LRMDA: variants seen among roughly 807,000 people sequenced by gnomAD.
The protein encoded by LRMDA is leucine rich melanocyte differentiation associated, also known as leucine-rich melanocyte differentiation-associated protein.
A neutral mutation model predicts 29.8 loss-of-function variants in LRMDA; 18 were observed. That is an observed-to-expected ratio of 0.60 (90% confidence interval 0.42 to 0.90). The LOEUF (loss-of-function observed/expected upper bound fraction) is 0.90. Among genes scored for constraint, LRMDA ranks in the 40% least tolerant of loss-of-function variants. The pLI is 0.00. For missense variants in LRMDA, 273 were observed against 273.9 expected, an observed-to-expected ratio of 1.00 and a Z score of 0.02; for synonymous variants, 125 against 109.4, an observed-to-expected ratio of 1.14 and a Z score of -0.89.
chr10:75,996,021 A>G (rs1252565859), intron 2 of LRMDA, among the ~76,000 whole-genome samples: 1 of 151,996 alleles, frequency 6.6e-6, no homozygotes, highest in Non-Finnish European at 1.5e-5. Flanking sequence ...ACCTCTCCAA[A>G]CTCACCAACC....
At chr10:76,186,088 C>T (rs1180045129) in intron 5 of LRMDA, among the ~76,000 whole-genome samples, 13 of 151,932 alleles carry the variant, frequency 8.6e-5, no homozygotes, top group East Asian at 7.8e-4. Flanking sequence ...TTTCCATTTA[C>T]GCATTCCAAG....
At chr10:75,502,122 A>G (rs1184042295) in intron 2 of LRMDA, among the ~76,000 whole-genome samples, 1 of 152,192 alleles carries the variant, frequency 6.6e-6, no homozygotes, top group Non-Finnish European at 1.5e-5. Flanking sequence ...GAGTGGGGAA[A>G]GAGATCATGG....
intron 2 of LRMDA, among the ~76,000 whole-genome samples, chr10:75,566,677 G>A (rs1042244507): frequency 6.6e-6 from 1 of 151,752 alleles, no homozygotes; most frequent in South Asian, 2.1e-4. Context: ...TTTCTTCCCC[G>A]GGTAATTTTC....
chr10:76,207,493 T>C (rs1231281237), intron 5 of LRMDA, among the ~76,000 whole-genome samples: 1 of 152,154 alleles, frequency 6.6e-6, no homozygotes, highest in Non-Finnish European at 1.5e-5. Flanking sequence ...CTGACTTAAG[T>C]ATTTATTTTT....
At chr10:76,142,372 A>T (rs1305345773) in intron 5 of LRMDA, among the ~76,000 whole-genome samples, 14 of 152,154 alleles carry the variant, frequency 9.2e-5, no homozygotes. Context: ...GGTCCTCTTC[A>T]GTGTAATCAT....
intron 5 of LRMDA, among the ~76,000 whole-genome samples, chr10:76,083,137 C>G (rs1849074497): frequency 6.6e-6 from 1 of 152,182 alleles, no homozygotes; most frequent in Non-Finnish European, 1.5e-5. Context: ...CCAGGGCTAG[C>G]CAATTCTTAG....
chr10:75,898,177 A>G (rs1044279423), intron 2 of LRMDA, among the ~76,000 whole-genome samples: 5 of 152,124 alleles, frequency 3.3e-5, no homozygotes, highest in African/African-American at 1.2e-4. Flanking sequence ...ACCATGATAA[A>G]CCAGTAAAGA....
intron 6 of LRMDA, among the ~76,000 whole-genome samples, chr10:76,345,060 CTT>C (rs60233969): frequency 2.7e-3 from 208 of 77,586 alleles, no homozygotes; most frequent in Non-Finnish European, 4.1e-3. Flanking sequence ...AACACAAAAC[CTT>C]TTTTTTTTTT....
intron 5 of LRMDA, among the ~76,000 whole-genome samples, chr10:76,156,718 G>GCTTAA: frequency 6.6e-6 from 1 of 152,254 alleles, no homozygotes; most frequent in East Asian, 1.9e-4. Context: ...ATGTCAGCTG[G>GCTTAA]GGACTTAAGG....
At chr10:75,647,022 G>A (rs1355318315) in intron 2 of LRMDA, among the ~76,000 whole-genome samples, 1 of 152,146 alleles carries the variant, frequency 6.6e-6, no homozygotes, top group Non-Finnish European at 1.5e-5. Flanking sequence ...CCTTCTCACA[G>A]CTCAGAGAGC....
At chr10:75,812,367 G>A (rs779916230) in intron 2 of LRMDA, among the ~76,000 whole-genome samples, 22 of 152,140 alleles carry the variant, frequency 1.4e-4, no homozygotes, top group Non-Finnish European at 1.0e-4. Context: ...AAATTAGCAC[G>A]TACAATGTGT....
At chr10:76,124,570 A>G (rs751595934) in intron 5 of LRMDA, among the ~76,000 whole-genome samples, 3 of 152,260 alleles carry the variant, frequency 2.0e-5, no homozygotes, top group Non-Finnish European at 2.9e-5. Context: ...GATAAAAAGA[A>G]TCCTGGTCTT....
chr10:76,402,556 G>A (rs1302347169), intron 6 of LRMDA, among the ~76,000 whole-genome samples: 1 of 152,012 alleles, frequency 6.6e-6, no homozygotes, highest in Non-Finnish European at 1.5e-5. Flanking sequence ...GTCTAGGTAT[G>A]TTGCACTGGC....
chr10:76,285,756 C>A (rs890561498), intron 5 of LRMDA, among the ~76,000 whole-genome samples: 1 of 152,124 alleles, frequency 6.6e-6, no homozygotes, highest in Non-Finnish European at 1.5e-5. Flanking sequence ...GTTTGAAAAT[C>A]CTGGGAAAGC....
At chr10:76,157,138 A>G (rs1850552663) in intron 5 of LRMDA, among the ~76,000 whole-genome samples, 1 of 152,202 alleles carries the variant, frequency 6.6e-6, no homozygotes, top group Non-Finnish European at 1.5e-5. Flanking sequence ...AGTCCTAAAT[A>G]CAGAGTTGGG....
chr10:76,495,496 A>T (rs1371203545), intron 6 of LRMDA, among the ~76,000 whole-genome samples: 1 of 151,968 alleles, frequency 6.6e-6, no homozygotes, highest in Non-Finnish European at 1.5e-5. Flanking sequence ...ATTCAAGAAT[A>T]TGTTTCTTTA....
At chr10:76,273,670 A>G (rs1396218998) in intron 5 of LRMDA, among the ~76,000 whole-genome samples, 1 of 152,164 alleles carries the variant, frequency 6.6e-6, no homozygotes, top group African/African-American at 2.4e-5. Flanking sequence ...CTGCCCAGAA[A>G]TGTTCTGAAA....
At chr10:76,018,792 T>A (rs1483686204) in intron 2 of LRMDA, among the ~76,000 whole-genome samples, 3 of 152,142 alleles carry the variant, frequency 2.0e-5, no homozygotes, top group Non-Finnish European at 4.4e-5. Flanking sequence ...GGTCTTGATC[T>A]CTTTACCTCG....
intron 6 of LRMDA, among the ~76,000 whole-genome samples, chr10:76,345,062 T>A (rs1841086910): frequency 2.7e-5 from 2 of 72,806 alleles, no homozygotes; most frequent in Non-Finnish European, 4.0e-5. Flanking sequence ...CACAAAACCT[T>A]TTTTTTTTTT....
Sources: gnomAD v4.1 joint callset for allele counts (sites outside exome capture counted in the v4.1 genomes callset) on GRCh38, gnomAD v4.1.1 for gene constraint, MANE v1.5 for transcripts, NCBI Gene and HGNC (gene_info 2026-07-23, HGNC 2026-07-21) for gene names.